The following PTPRN2 variants were observed in gnomAD, a reference collection of about 807,000 sequenced individuals.
The protein encoded by PTPRN2 is receptor-type tyrosine-protein phosphatase N2.
In PTPRN2, 74 loss-of-function variants were observed where a neutral mutation model predicts 118.8. The observed-to-expected ratio is 0.62, with a 90% confidence interval of 0.52 to 0.76. PTPRN2 has a LOEUF of 0.76. PTPRN2 is among the 30% of genes least tolerant of loss of function. The pLI is 0.00. For synonymous variants in PTPRN2, 641 were observed against 608.0 expected (o/e 1.05, Z -0.80); for missense variants, 1,481 against 1,394.4 (o/e 1.06, Z -0.99).
At chr7:158,196,300 C>T (rs1447514567) in intron 4 of PTPRN2, among the ~76,000 whole-genome samples, 1 of 152,182 alleles carries the variant, frequency 6.6e-6, no homozygotes, top group Non-Finnish European at 1.5e-5. Flanking sequence ...CTTGGTTTCC[C>T]CAGACCTTCA....
intron 11 of PTPRN2, among the ~76,000 whole-genome samples, chr7:157,902,700 C>A (rs1273562784): frequency 6.6e-6 from 1 of 152,330 alleles, no homozygotes; most frequent in South Asian, 2.1e-4. Context: ...CACTAAAACT[C>A]CTTTTAGATG....
rs539137162 is a variant in PTPRN2 at position 157,840,418 on chromosome 7, CTG to C, written c.1788+58253_1788+58254del. Among the ~76,000 whole-genome samples, 41 of 134,810 alleles carry C rather than the reference CTG, an allele frequency of 3.0e-4. 1 individual carries two copies. The South Asian group carries it at 3.8e-3, about 13-fold the overall frequency. The allele number at this position is 134,810 out of a possible 152,430, so 88.4% of individuals were successfully genotyped here. ...TGTGTGACCGTGTGTGACTGTGTGA[CTG>C]TGTGTGACTGTGTGACCGCGTGTGA... is the stretch of plus-strand genomic sequence containing the variant. On this transcript the variant is annotated intron_variant, in intron 12 of 22. Transcript: ENST00000389418.
At chr7:157,916,486 C>T (rs1798403348) in intron 11 of PTPRN2, among the ~76,000 whole-genome samples, 1 of 152,230 alleles carries the variant, frequency 6.6e-6, no homozygotes, top group Non-Finnish European at 1.5e-5. Flanking sequence ...CTCTAATTAC[C>T]TGTAATCCAT....
intron 20 of PTPRN2, among the ~76,000 whole-genome samples, chr7:157,570,795 C>A (rs77415752): frequency 1.1e-3 from 168 of 152,280 alleles, no homozygotes; most frequent in Non-Finnish European, 2.3e-3. Context: ...TGAGCCTCTG[C>A]TGGACGTCCT....
chr7:158,115,530 G>A (rs1816663707), intron 9 of PTPRN2, among the ~76,000 whole-genome samples: 1 of 152,080 alleles, frequency 6.6e-6, no homozygotes, highest in South Asian at 2.1e-4. Context: ...AGGAGGAGGG[G>A]CCTATGGGAG....
At chr7:157,548,140 T>C (rs902759533) in intron 22 of PTPRN2, among the ~76,000 whole-genome samples, 2 of 152,124 alleles carry the variant, frequency 1.3e-5, no homozygotes, top group African/African-American at 2.4e-5. Context: ...CGCTTTAACC[T>C]GGGAGGTGGA....
At chr7:158,085,489 C>T (rs1275992885) in intron 10 of PTPRN2, among the ~76,000 whole-genome samples, 11 of 125,568 alleles carry the variant, frequency 8.8e-5, no homozygotes, top group South Asian at 3.0e-4. Context: ...ACACCCACGA[C>T]GCCCATCCAC....
At chr7:157,982,483 G>T (rs1214211093) in intron 11 of PTPRN2, among the ~76,000 whole-genome samples, 4 of 139,908 alleles carry the variant, frequency 2.9e-5, no homozygotes, top group Non-Finnish European at 1.6e-5. Flanking sequence ...TAGAGATGAG[G>T]AGGGGAATGC....
At chr7:158,511,478 T>C (rs751524008) in intron 1 of PTPRN2, among the ~76,000 whole-genome samples, 2 of 152,112 alleles carry the variant, frequency 1.3e-5, no homozygotes, top group African/African-American at 2.4e-5. Flanking sequence ...CCACATCTTG[T>C]AGAACAAAGA....
chr7:158,072,513 G>C (rs1326513296), intron 11 of PTPRN2, among the ~76,000 whole-genome samples: 1 of 152,178 alleles, frequency 6.6e-6, no homozygotes, highest in Non-Finnish European at 1.5e-5. Context: ...AAGCTTCTGA[G>C]CAATTGTTTC....
intron 12 of PTPRN2, among the ~76,000 whole-genome samples, chr7:157,802,510 C>T (rs750169440): frequency 6.6e-6 from 1 of 152,266 alleles, no homozygotes; most frequent in Non-Finnish European, 1.5e-5. Flanking sequence ...CATGTCTTGG[C>T]TCCTGTGAAC....
rs1438412737 is a variant in PTPRN2 at position 158,125,377 on chromosome 7, AC to A, written c.1556+8299del. Among the ~76,000 whole-genome samples the A allele has an allele frequency of 2.0e-5, 3 of 147,934 alleles. No individual in the cohort carries two copies. In the South Asian group the frequency reaches 6.6e-4, roughly 33 times the overall value. On this transcript the variant is annotated intron_variant, in intron 9 of 22. Transcript: ENST00000389418. ...CCTGCCTCGCGTCCCTCCCACGGCCACCCCCCTGCCTCGCGTACTTCCCACG... is the reference window on the plus strand; with the variant it reads ...CCTGCCTCGCGTCCCTCCCACGGCCACCCCCTGCCTCGCGTACTTCCCACG...
rs115884142 is a variant in PTPRN2 at position 157,716,194 on chromosome 7, T to C, written c.1789-33257A>G. Among the ~76,000 whole-genome samples, 795 of 145,400 alleles carry C rather than the reference T, an allele frequency of 5.5e-3. 9 individuals carry two copies. Among genetic ancestry groups the C allele is most frequent in the African/African-American group, 0.02 (729 of 35,614 alleles). ...GAAAAAGGGGGCTGTGAGGAACTCATACACCTGAGTCCTCGTCCTAAGAAG... is the reference window on the plus strand; with the variant it reads ...GAAAAAGGGGGCTGTGAGGAACTCACACACCTGAGTCCTCGTCCTAAGAAG... On this transcript the variant is annotated intron_variant, in intron 12 of 22. Transcript: ENST00000389418.
intron 12 of PTPRN2, among the ~76,000 whole-genome samples, chr7:157,853,220 G>T (rs1326071595): frequency 6.6e-6 from 1 of 152,164 alleles, no homozygotes; most frequent in Non-Finnish European, 1.5e-5. Flanking sequence ...TAGTCATGAG[G>T]GGCATGAGCA....
At chr7:158,586,761 G>A (rs1167201968) in intron 1 of PTPRN2, among the ~76,000 whole-genome samples, 3 of 152,208 alleles carry the variant, frequency 2.0e-5, no homozygotes, top group Non-Finnish European at 4.4e-5. Flanking sequence ...CCCGCGGGGG[G>A]GTGCGGGGGA....
At chr7:158,329,817 G>C (rs896938694) in intron 2 of PTPRN2, among the ~76,000 whole-genome samples, 5 of 152,116 alleles carry the variant, frequency 3.3e-5, no homozygotes, top group African/African-American at 1.2e-4. Context: ...TTCACCGCTC[G>C]AGGCTGTGTC....
At chr7:158,011,121 T>C (rs1224661758) in intron 11 of PTPRN2, among the ~76,000 whole-genome samples, 1 of 152,240 alleles carries the variant, frequency 6.6e-6, no homozygotes, top group African/African-American at 2.4e-5. Context: ...GACAGAGTGG[T>C]CTCTGCTAGG....
chr7:157,669,347 G>A (rs1333307793), intron 13 of PTPRN2, among the ~76,000 whole-genome samples: 6 of 152,318 alleles, frequency 3.9e-5, no homozygotes, highest in African/African-American at 9.6e-5. Flanking sequence ...CAGTCCCACC[G>A]CCTCCAGTGG....
intron 3 of PTPRN2, among the ~76,000 whole-genome samples, chr7:158,261,629 A>G (rs1334102852): frequency 1.3e-5 from 2 of 152,126 alleles, no homozygotes; most frequent in South Asian, 2.1e-4. Context: ...CATAGAGCAC[A>G]CGAAGAGGAT....
Sources: allele counts gnomAD v4.1 joint callset (sites outside exome capture counted in the v4.1 genomes callset), GRCh38; gene constraint gnomAD v4.1.1; transcripts MANE v1.5; gene names NCBI Gene and HGNC (gene_info 2026-07-23, HGNC 2026-07-21).